Variants in GPC5 observed in about 807,000 individuals in gnomAD.
GPC5 encodes glypican-5.
GPC5 carries 47 observed loss-of-function variants against 53.9 expected under a neutral mutation model. The ratio of observed to expected loss-of-function variants is 0.87; its 90% CI spans 0.69 to 1.11. The LOEUF is 1.11. Among genes scored for constraint, GPC5 ranks in the 50% most tolerant of loss-of-function variants. The probability of loss-of-function intolerance (pLI) is 0.00; values close to 1 mark genes in which losing one functional copy is unlikely to be tolerated. For missense variants in GPC5, 748 were observed against 713.1 expected (o/e 1.05, Z -0.56); for synonymous variants, 286 against 263.3 (o/e 1.09, Z -0.84).
At chr13:92,189,324 CCCAACTCTAG>C (rs1860479756) in intron 7 of GPC5, among the ~76,000 whole-genome samples, 1 of 151,576 alleles carries the variant, frequency 6.6e-6, no homozygotes, top group South Asian at 2.1e-4. Flanking sequence ...GAGGGAAATA[CCCAACTCTAG>C]CCAACTCTAG....
chr13:92,048,274 A>G (rs936908686), intron 6 of GPC5, among the ~76,000 whole-genome samples: 1 of 116,814 alleles, frequency 8.6e-6, no homozygotes, highest in Non-Finnish European at 1.9e-5. Flanking sequence ...GTTGTAACAT[A>G]TATTATATGT....
intron 7 of GPC5, among the ~76,000 whole-genome samples, chr13:92,593,484 T>C (rs963041856): frequency 1.3e-5 from 2 of 151,180 alleles, no homozygotes; most frequent in African/African-American, 2.4e-5. Flanking sequence ...TCATGTTAAG[T>C]AGGCAGTTAG....
intron 5 of GPC5, among the ~76,000 whole-genome samples, chr13:91,859,893 A>T (rs1283144769): frequency 6.6e-6 from 1 of 152,092 alleles, no homozygotes; most frequent in Non-Finnish European, 1.5e-5. Context: ...TACCACAAAT[A>T]TGTAACTGTG....
intron 7 of GPC5, among the ~76,000 whole-genome samples, chr13:92,343,768 A>C (rs2043386653): frequency 6.6e-6 from 1 of 152,140 alleles, no homozygotes; most frequent in South Asian, 2.1e-4. Context: ...TTCATAAATT[A>C]ATATAAATAA....
intron 5 of GPC5, among the ~76,000 whole-genome samples, chr13:91,760,668 A>G (rs2037391089): frequency 6.6e-6 from 1 of 152,128 alleles, no homozygotes; most frequent in South Asian, 2.1e-4. Context: ...GAGGTGATTG[A>G]TATGATTATT....
chr13:92,800,863 A>G (rs1473490954), intron 7 of GPC5, among the ~76,000 whole-genome samples: 1 of 151,778 alleles, frequency 6.6e-6, no homozygotes, highest in Non-Finnish European at 1.5e-5. Context: ...ACCCTAAAAT[A>G]ATATCGTTAC....
At chr13:91,540,660 TA>T (rs2029881595) in intron 2 of GPC5, among the ~76,000 whole-genome samples, 1 of 152,224 alleles carries the variant, frequency 6.6e-6, no homozygotes, top group Non-Finnish European at 1.5e-5. Context: ...AAATGCAGTG[TA>T]AATAGATGGA....
chr13:92,204,368 C>G (rs2042317181), intron 7 of GPC5, among the ~76,000 whole-genome samples: 3 of 152,124 alleles, frequency 2.0e-5, no homozygotes, highest in Admixed American at 6.5e-5. Context: ...TTCTAAGACC[C>G]TTGCAATGTC....
chr13:92,385,673 A>ACACATATATACC lies in GPC5; in HGVS notation c.1561+240684_1561+240685insCACATATATACC, dbSNP rs1234052849. Among the ~76,000 whole-genome samples, 19 of 144,322 alleles carry ACACATATATACC rather than the reference A, an allele frequency of 1.3e-4. No individual in the cohort carries two copies. The South Asian group carries it at 2.8e-3, about 21-fold the overall frequency. 94.7% of individuals were successfully genotyped at this position (144,322 alleles called of 152,430 possible). A position where few individuals can be genotyped will look rare whatever the true frequency, so the allele number is the denominator to read the frequency against. ...TACACATATATATATACATATATAC[A>ACACATATATACC]TATATACACACATATATACCTATAT... On this transcript the variant is annotated intron_variant, in intron 7 of 7. Transcript: ENST00000377067.
intron 5 of GPC5, among the ~76,000 whole-genome samples, chr13:91,824,942 T>C (rs2038553344): frequency 6.6e-6 from 1 of 152,122 alleles, no homozygotes; most frequent in Admixed American, 6.6e-5. Flanking sequence ...TATCATTCTG[T>C]TTTGTAGATT....
intron 2 of GPC5, among the ~76,000 whole-genome samples, chr13:91,571,937 A>ACATACGTGTG (rs1566516255): frequency 7.5e-6 from 1 of 133,942 alleles, no homozygotes; most frequent in African/African-American, 2.8e-5. Context: ...ATATACACAC[A>ACATACGTGTG]TGTATATACA....
At position 91,582,585 on chromosome 13, in the gene GPC5, T is replaced by C. The variant is rs577120305; in HGVS notation, c.326-110602T>C. ...TTTTTTAGGATATGGAAACACAAGATTGAGATTTTTGGCAATGTAAGTTAG... is the reference window on the plus strand; with the variant it reads ...TTTTTTAGGATATGGAAACACAAGACTGAGATTTTTGGCAATGTAAGTTAG... On this transcript the variant is annotated intron_variant, in intron 2 of 7. Coordinates refer to ENST00000377067, the MANE Select transcript of GPC5 (RefSeq NM_004466.6). Among the ~76,000 whole-genome samples, 4 of 152,208 alleles carry C rather than the reference T, an allele frequency of 2.6e-5. No homozygotes were observed. The South Asian group carries it at 6.2e-4, about 24-fold the overall frequency.
intron 6 of GPC5, among the ~76,000 whole-genome samples, chr13:91,912,862 T>G (rs2039623180): frequency 6.6e-6 from 1 of 152,198 alleles, no homozygotes; most frequent in African/African-American, 2.4e-5. Context: ...CAATTGTATT[T>G]TGATACATAT....
At chr13:92,519,850 T>A (rs979841041) in intron 7 of GPC5, among the ~76,000 whole-genome samples, 1 of 151,980 alleles carries the variant, frequency 6.6e-6, no homozygotes, top group African/African-American at 2.4e-5. Flanking sequence ...TCTGTTTTTT[T>A]GAAAAGATCA....
At chr13:92,011,550 G>C (rs936582575) in intron 6 of GPC5, among the ~76,000 whole-genome samples, 1 of 152,130 alleles carries the variant, frequency 6.6e-6, no homozygotes, top group Non-Finnish European at 1.5e-5. Flanking sequence ...CTTAGTCCCA[G>C]ATCTGCCTCT....
intron 5 of GPC5, among the ~76,000 whole-genome samples, chr13:91,835,346 GAACCAGA>G (rs1455697020): frequency 1.3e-5 from 2 of 152,158 alleles, no homozygotes; most frequent in Non-Finnish European, 2.9e-5. Flanking sequence ...CAAGGATCTA[GAACCAGA>G]AATACCATTT....
intron 6 of GPC5, among the ~76,000 whole-genome samples, chr13:92,111,708 G>T (rs1038702619): frequency 2.6e-5 from 4 of 152,110 alleles, no homozygotes; most frequent in African/African-American, 9.7e-5. Flanking sequence ...CAAAAAAAAG[G>T]TGATAACTTT....
At chr13:91,887,183 TCATGTGGAAACTGC>T (rs2039332477) in intron 5 of GPC5, among the ~76,000 whole-genome samples, 1 of 152,256 alleles carries the variant, frequency 6.6e-6, no homozygotes, top group South Asian at 2.1e-4. Flanking sequence ...AGGCTCAACA[TCATGTGGAAACTGC>T]CAAGGCTTGA....
At chr13:92,297,283 A>G (rs2139192354) in intron 7 of GPC5, among the ~76,000 whole-genome samples, 1 of 150,892 alleles carries the variant, frequency 6.6e-6, no homozygotes. Context: ...CTTTATATCT[A>G]GCTCAGGGAT....
Sources: allele counts gnomAD v4.1 joint callset (sites outside exome capture counted in the v4.1 genomes callset), GRCh38; gene constraint gnomAD v4.1.1; transcripts MANE v1.5; gene names NCBI Gene and HGNC (gene_info 2026-07-23, HGNC 2026-07-21).